MACC1: variants seen among roughly 807,000 people sequenced by gnomAD.
MACC1 encodes metastasis-associated in colon cancer protein 1.
MACC1 carries 79 observed loss-of-function variants against 70.7 expected under a neutral mutation model. The observed-to-expected ratio is 1.12, with a 90% confidence interval of 0.93 to 1.35. The LOEUF is 1.35. Ranked by LOEUF, MACC1 falls within the 40% of genes most tolerant of loss-of-function variation. The pLI is 0.00. For missense variants in MACC1, 1,106 were observed against 978.1 expected (o/e 1.13, Z -1.74); for synonymous variants, 361 against 347.2 (o/e 1.04, Z -0.44).
intron 1 of MACC1, among the ~76,000 whole-genome samples, chr7:20,193,047 T>C (rs938731569): frequency 2.0e-5 from 3 of 152,216 alleles, no homozygotes; most frequent in Non-Finnish European, 4.4e-5. Flanking sequence ...CCAAGTGGTA[T>C]AAACTTTAGG....
chr7:20,194,346 G>A lies in MACC1; in HGVS notation c.-218+22953C>T, dbSNP rs192308096. On this transcript the variant is annotated intron_variant, in intron 1 of 6. Transcript: ENST00000400331. ...GTGATGTCAGAAGGCAGGGAGCCCA[G>A]CTTGTCTACTCCACTCCAAACATAG... is the stretch of plus-strand genomic sequence containing the variant. 1.2e-4 allele frequency among the ~76,000 whole-genome samples: 19 copies of A among 152,298 alleles called. No homozygotes were observed. The East Asian group carries it at 3.7e-3, about 29-fold the overall frequency.
At chr7:20,197,608 C>A (rs1782772972) in intron 1 of MACC1, among the ~76,000 whole-genome samples, 1 of 152,192 alleles carries the variant, frequency 6.6e-6, no homozygotes, top group African/African-American at 2.4e-5. Flanking sequence ...TAAACTTGGA[C>A]TGAATTTATC....
At chr7:20,195,175 G>C (rs576237171) in intron 1 of MACC1, among the ~76,000 whole-genome samples, 1 of 152,082 alleles carries the variant, frequency 6.6e-6, no homozygotes, top group South Asian at 2.1e-4. Context: ...TTTGTGTGCA[G>C]TAAGTTCTCA....
At chr7:20,213,475 C>G (rs1783027162) in intron 1 of MACC1, among the ~76,000 whole-genome samples, 2 of 152,176 alleles carry the variant, frequency 1.3e-5, no homozygotes, top group South Asian at 4.1e-4. Flanking sequence ...CATATGCACA[C>G]ATATGATCAT....
chr7:20,174,095 G>A (rs565334502), intron 1 of MACC1, among the ~76,000 whole-genome samples: 1 of 152,012 alleles, frequency 6.6e-6, no homozygotes, highest in African/African-American at 2.4e-5. Context: ...TGAATCACAG[G>A]GACTTTCTCA....
intron 1 of MACC1, among the ~76,000 whole-genome samples, chr7:20,180,718 G>A (rs1304299608): frequency 6.6e-6 from 1 of 152,124 alleles, no homozygotes; most frequent in Non-Finnish European, 1.5e-5. Flanking sequence ...GTGGTGGTGC[G>A]TGTCTGTAAT....
intron 1 of MACC1, among the ~76,000 whole-genome samples, chr7:20,207,563 A>C (rs956526957): frequency 1.3e-5 from 2 of 152,218 alleles, no homozygotes; most frequent in Admixed American, 6.5e-5. Flanking sequence ...AAAATAAATC[A>C]GATATGTCCT....
intron 1 of MACC1, among the ~76,000 whole-genome samples, chr7:20,177,656 TCA>T (rs1782416034): frequency 6.6e-6 from 1 of 151,812 alleles, no homozygotes; most frequent in African/African-American, 2.4e-5. Flanking sequence ...CGCACTTTTT[TCA>T]CAGTTTAATA....
intron 3 of MACC1, among the ~76,000 whole-genome samples, chr7:20,163,095 T>C (rs1290766588): frequency 6.6e-6 from 1 of 152,008 alleles, no homozygotes; most frequent in Non-Finnish European, 1.5e-5. Flanking sequence ...AAAACAACAC[T>C]ATAGAAATTT....
chr7:20,175,146 T>C (rs1458096847), intron 1 of MACC1, among the ~76,000 whole-genome samples: 1 of 152,102 alleles, frequency 6.6e-6, no homozygotes, highest in Non-Finnish European at 1.5e-5. Context: ...ATAAAATGAA[T>C]ATTAACTTAT....
rs1375438645 is a variant in MACC1, at chr7:20,138,436, C to T, written c.*2510G>A. On this transcript the variant is annotated 3_prime_UTR_variant, in exon 7 of 7. Transcript: ENST00000400331. ...CTGGAAAAACCCAGTTATTAATCCC[C>T]ACTATCCCTTCCCAAAATTCTCTGG... is the stretch of plus-strand genomic sequence containing the variant. 6.6e-6 allele frequency: 1 copy of T among 152,050 alleles called. No individual in the cohort carries two copies. Among genetic ancestry groups the T allele is most frequent in the Non-Finnish European group, 1.5e-5 (1 of 68,000 alleles). The allele number at this position is 152,050 out of a possible 1,614,324, so 9.4% of individuals were successfully genotyped here.
chr7:20,196,321 C>G (rs376518094), intron 1 of MACC1, among the ~76,000 whole-genome samples: 24 of 152,090 alleles, frequency 1.6e-4, no homozygotes, highest in Non-Finnish European at 2.6e-4. Context: ...GCTGGGACTA[C>G]AGGCGCCCGC....
At chr7:20,172,802 T>C (rs956661406) in intron 1 of MACC1, among the ~76,000 whole-genome samples, 1 of 152,212 alleles carries the variant, frequency 6.6e-6, no homozygotes, top group Admixed American at 6.5e-5. Flanking sequence ...CTTTATTTAA[T>C]GCAGGTGGAA....
At chr7:20,155,398 C>A (rs1387188843) in intron 5 of MACC1, among the ~76,000 whole-genome samples, 11 of 152,174 alleles carry the variant, frequency 7.2e-5, no homozygotes, top group Admixed American at 7.2e-4. Flanking sequence ...AGATTAACAA[C>A]AATAACTAGT....
At chr7:20,150,619 A>C (rs1214016969) in intron 6 of MACC1, 1 of 152,226 alleles carries the variant, frequency 6.6e-6, no homozygotes, top group African/African-American at 2.4e-5. Context: ...AAAAAAAATT[A>C]CCATTAGGAA....
intron 1 of MACC1, among the ~76,000 whole-genome samples, chr7:20,216,716 T>C: frequency 6.6e-6 from 1 of 152,220 alleles, no homozygotes; most frequent in Non-Finnish European, 1.5e-5. Context: ...TGCACTGTGC[T>C]AATTTAATGA....
chr7:20,210,013 C>A (rs534345275), intron 1 of MACC1, among the ~76,000 whole-genome samples: 64 of 152,298 alleles, frequency 4.2e-4, no homozygotes, highest in Non-Finnish European at 9.1e-4. Flanking sequence ...TTTCCTCAGG[C>A]CTCCCCAGCA....
At chr7:20,141,229 G>A (rs1029454976) in intron 6 of MACC1, 71 bp from the exon 7 acceptor site, 5 of 997,994 alleles carry the variant, frequency 5.0e-6, no homozygotes, top group Non-Finnish European at 5.8e-6. Context: ...TTAAAAAAAA[G>A]ATGTAAAAAG....
chr7:20,164,930 A>T (rs1012497574), intron 2 of MACC1, among the ~76,000 whole-genome samples: 1 of 151,950 alleles, frequency 6.6e-6, no homozygotes, highest in African/African-American at 2.4e-5. Flanking sequence ...AATGAGCAAT[A>T]TGTACTGAGG....
Sources: allele counts gnomAD v4.1 joint callset (sites outside exome capture counted in the v4.1 genomes callset), GRCh38; gene constraint gnomAD v4.1.1; transcripts MANE v1.5; gene names NCBI Gene and HGNC (gene_info 2026-07-23, HGNC 2026-07-21).